The following EMC2 variants were observed in gnomAD, a reference collection of about 807,000 sequenced individuals.
EMC2 encodes the protein ER membrane protein complex subunit 2.
In EMC2, 37 loss-of-function variants were observed where a neutral mutation model predicts 51.6. The ratio of observed to expected loss-of-function variants is 0.72; its 90% CI spans 0.55 to 0.94. The LOEUF (loss-of-function observed/expected upper bound fraction) is 0.94, where lower values mean the gene tolerates loss of function less well. Among genes scored for constraint, EMC2 ranks in the 40% least tolerant of loss-of-function variants. The pLI, the probability that EMC2 is intolerant of heterozygous loss-of-function variation, is 0.00. For synonymous variants in EMC2, 131 were observed against 112.4 expected (o/e 1.17, Z -1.04); for missense variants, 359 against 350.9 (o/e 1.02, Z -0.18).
At chr8:108,474,376 CCTTTT>C (rs1027106173) in intron 7 of EMC2, 11 of 151,846 alleles carry the variant, frequency 7.2e-5, no homozygotes, top group Non-Finnish European at 1.0e-4. Flanking sequence ...ACAAATTTTC[CCTTTT>C]CTTTTCGAGT....
At chr8:108,467,771 T>C (rs1810759226) in intron 5 of EMC2, among the ~76,000 whole-genome samples, 1 of 152,170 alleles carries the variant, frequency 6.6e-6, no homozygotes, top group Non-Finnish European at 1.5e-5. Context: ...TTGCAAATCC[T>C]GTAAGGATTG....
chr8:108,468,785 T>A (rs2130385200), intron 5 of EMC2, among the ~76,000 whole-genome samples: 1 of 152,330 alleles, frequency 6.6e-6, no homozygotes, highest in Admixed American at 6.5e-5. Flanking sequence ...TCCTTCTGTA[T>A]TTGAAGCAAA....
chr8:108,445,142 G>A (rs1393630960), intron 1 of EMC2, among the ~76,000 whole-genome samples: 1 of 151,962 alleles, frequency 6.6e-6, no homozygotes, highest in Non-Finnish European at 1.5e-5. Flanking sequence ...CTTACCCTGT[G>A]GTCATTCTAA....
chr8:108,465,111 A>C (rs1819436453), intron 5 of EMC2, among the ~76,000 whole-genome samples: 1 of 152,208 alleles, frequency 6.6e-6, no homozygotes, highest in African/African-American at 2.4e-5. Context: ...CTTTCAGAAA[A>C]AATTGCTAGC....
chr8:108,445,594 A>G (rs1477600443), intron 1 of EMC2, among the ~76,000 whole-genome samples: 10 of 151,760 alleles, frequency 6.6e-5, no homozygotes, highest in Admixed American at 6.6e-4. Context: ...TCCCCCACCA[A>G]AATTGAAAAA....
At chr8:108,450,346 T>C (rs1316065158) in intron 2 of EMC2, 82 bp from the exon 3 acceptor site, 6 of 816,094 alleles carry the variant, frequency 7.4e-6, no homozygotes, top group Admixed American at 1.9e-5. Context: ...TCTAGAAATA[T>C]CAGAAACTAG....
chr8:108,460,788 C>T lies in EMC2; in HGVS notation c.363+4858C>T, dbSNP rs112681823. ...TCCCTGTAGTAACTAAATCCCTTAG[C>T]GGTTAGGTAAACATTCGAGAGCAAA... is the stretch of plus-strand genomic sequence containing the variant. On this transcript the variant is annotated intron_variant, in intron 5 of 10. Transcript: ENST00000220853. Among the ~76,000 whole-genome samples, 5 of 152,294 alleles carry T rather than the reference C, an allele frequency of 3.3e-5. No individual in the cohort carries two copies. The East Asian group carries it at 5.8e-4, about 18-fold the overall frequency.
Position 108,486,568 on chromosome 8 carries a change from G to C in EMC2, c.864G>C (p.Met288Ile). The change falls in exon 11 of 11, where the codon ATG becomes ATC. Residue 288 changes from methionine to isoleucine, a missense_variant. By Grantham distance (10) the Met-to-Ile change is conservative. Coordinates refer to ENST00000220853, the MANE Select transcript of EMC2 (RefSeq NM_014673.5). ...TKYSLKAVED[M>I]LETLQITQS ...ATTCTCTTAAGGCTGTCGAAGACAT[G>C]TTGGAAACATTGCAGATCACCCAGT... The C allele has an allele frequency of 6.3e-7, 1 of 1,588,544 alleles. No individual in the cohort carries two copies. Among genetic ancestry groups the C allele is most frequent in the Non-Finnish European group, 8.6e-7 (1 of 1,166,898 alleles).
chr8:108,470,385 A>G (rs1810831229), intron 7 of EMC2, among the ~76,000 whole-genome samples: 1 of 152,174 alleles, frequency 6.6e-6, no homozygotes, highest in South Asian at 2.1e-4. Flanking sequence ...TATAGATGGC[A>G]TTCTTTGGAA....
chr8:108,458,170 GCA>G (rs1454406472), intron 5 of EMC2, among the ~76,000 whole-genome samples: 3 of 152,236 alleles, frequency 2.0e-5, no homozygotes, highest in African/African-American at 7.2e-5. Flanking sequence ...ATGGTCTTGG[GCA>G]GCTCCGCCCC....
At chr8:108,452,563 T>A (rs1819053611) in intron 3 of EMC2, among the ~76,000 whole-genome samples, 1 of 151,784 alleles carries the variant, frequency 6.6e-6, no homozygotes, top group African/African-American at 2.4e-5. Flanking sequence ...CAAGACTCCA[T>A]CTCAAAAAAA....
rs1810816953 is a variant in EMC2, at chr8:108,469,856, A to G, written c.394A>G (p.Lys132Glu). Reference protein sequence around the residue: ...AARKRKIAIRKAQGKNVEAIR... With the variant: ...AARKRKIAIREAQGKNVEAIR... ...AAGAAAGCGTAAGATTGCCATTCGAAAAGCCCAGGGGAAAAATGTGGAGGC... is the reference window on the plus strand; with the variant it reads ...AAGAAAGCGTAAGATTGCCATTCGAGAAGCCCAGGGGAAAAATGTGGAGGC... Residue 132 changes from lysine to glutamate, a missense_variant, in exon 6 of 11, where the codon AAA becomes GAA. Transcript: ENST00000220853. The G allele has an allele frequency of 6.2e-7, 1 of 1,613,514 alleles. No individual in the cohort carries two copies. The highest frequency in any genetic ancestry group is 2.2e-5 in the East Asian group (1 of 44,876).
chr8:108,469,582 A>G (rs1264024606), intron 5 of EMC2, among the ~76,000 whole-genome samples: 1 of 152,182 alleles, frequency 6.6e-6, no homozygotes, highest in African/African-American at 2.4e-5. Flanking sequence ...CTGGATGATT[A>G]TTTATTTGGA....
intron 5 of EMC2, among the ~76,000 whole-genome samples, chr8:108,462,465 TG>T (rs989625525): frequency 6.6e-6 from 1 of 152,180 alleles, no homozygotes; most frequent in Non-Finnish European, 1.5e-5. Flanking sequence ...AGTTTTTCAG[TG>T]GATGTCATTG....
intron 4 of EMC2, among the ~76,000 whole-genome samples, chr8:108,455,306 T>G (rs1819123900): frequency 6.6e-6 from 1 of 152,136 alleles, no homozygotes; most frequent in Admixed American, 6.5e-5. Flanking sequence ...ACCTCCTGAC[T>G]CTTTTGAGTT....
Position 108,470,072 on chromosome 8 carries a change from G to T in EMC2, c.460G>T (p.Asp154Tyr). ...TTTTCCTCTCACCAGATTTGTTGGAGACCAAGAAGCCTGGCATGAACTTGC... is the reference window on the plus strand; with the variant it reads ...TTTTCCTCTCACCAGATTTGTTGGATACCAAGAAGCCTGGCATGAACTTGC... ...LNEYLEQFVG[D>Y]QEAWHELAEL... The change falls in exon 7 of 11, where the codon GAC becomes TAC. Residue 154 changes from aspartate (D) to tyrosine (Y), a missense_variant. Asp to Tyr is a radical substitution (Grantham distance 160, BLOSUM62 -3). Coordinates refer to ENST00000220853, the MANE Select transcript of EMC2 (RefSeq NM_014673.5). The T allele has an allele frequency of 6.2e-7, 1 of 1,612,722 alleles. No individual in the cohort carries two copies.
chr8:108,451,571 T>TA (rs1819022993), intron 3 of EMC2, among the ~76,000 whole-genome samples: 1 of 151,896 alleles, frequency 6.6e-6, no homozygotes, highest in African/African-American at 2.4e-5. Context: ...GCTATACATG[T>TA]AATTCTAGTG....
chr8:108,444,554 G>A (rs1231938424), intron 1 of EMC2, among the ~76,000 whole-genome samples: 1 of 152,130 alleles, frequency 6.6e-6, no homozygotes, highest in African/African-American at 2.4e-5. Context: ...TAGCTAATTT[G>A]CTTAACGAAT....
chr8:108,447,705 AC>A, intron 1 of EMC2, among the ~76,000 whole-genome samples: 1 of 152,272 alleles, frequency 6.6e-6, no homozygotes, highest in Non-Finnish European at 1.5e-5. Flanking sequence ...TTAACCTTTG[AC>A]CTTTAGCTCA....
Sources: allele counts gnomAD v4.1 joint callset (sites outside exome capture counted in the v4.1 genomes callset), GRCh38; gene constraint gnomAD v4.1.1; transcripts MANE v1.5; gene names NCBI Gene and HGNC (gene_info 2026-07-23, HGNC 2026-07-21).